Variants in DTHD1 observed in about 807,000 individuals in gnomAD.
DTHD1 encodes the protein death domain-containing protein 1.
In DTHD1, 59 loss-of-function variants were observed where a neutral mutation model predicts 74.8. The ratio of observed to expected loss-of-function variants is 0.79; its 90% CI spans 0.64 to 0.98. The LOEUF (loss-of-function observed/expected upper bound fraction) is 0.98. Ranked by LOEUF, DTHD1 falls within the 50% of genes least tolerant of loss-of-function variation. The probability of loss-of-function intolerance (pLI) is 0.00; values close to 1 mark genes in which losing one functional copy is unlikely to be tolerated. For missense variants in DTHD1, 1,051 were observed against 1,065.4 expected (o/e 0.99, Z 0.19); for synonymous variants, 365 against 371.1 (o/e 0.98, Z 0.19).
intron 8 of DTHD1, among the ~76,000 whole-genome samples, chr4:36,324,809 G>C (rs1466067256): frequency 6.6e-6 from 1 of 152,202 alleles, no homozygotes; most frequent in African/African-American, 2.4e-5. Flanking sequence ...GCAAAAGGCA[G>C]GAACTGATTG....
At position 36,343,547 on chromosome 4, in the gene DTHD1, C is replaced by T. The variant is rs1322703649; in HGVS notation, c.2444C>T (p.Ser815Leu). Residue 815 changes from serine (S) to leucine (L), a missense_variant, in exon 10 of 10, where the codon TCA becomes TTA. By Grantham distance (145) the Ser-to-Leu change is moderately radical. Coordinates refer to ENST00000639862, the MANE Select transcript of DTHD1 (RefSeq NM_001170700.3). ...CTCCATTGGCTGGCTGAGGAGCTCTCAGAAGAAAATGCTGAGTCTCTTTCC... is the reference window on the plus strand; with the variant it reads ...CTCCATTGGCTGGCTGAGGAGCTCTTAGAAGAAAATGCTGAGTCTCTTTCC... ...NLLHWLAEEL[S>L]EENAESLSST... is the part of the protein sequence containing the mutation. 6.4e-7 allele frequency: 1 copy of T among 1,551,578 alleles called. No individual in the cohort carries two copies. The highest frequency in any genetic ancestry group is 2.0e-5 in the Admixed American group (1 of 51,000).
At chr4:36,283,347 A>C (rs961417288) in intron 1 of DTHD1, among the ~76,000 whole-genome samples, 1 of 152,226 alleles carries the variant, frequency 6.6e-6, no homozygotes, top group Non-Finnish European at 1.5e-5. Flanking sequence ...TTCAGGTTCC[A>C]ATCAGAGAAT....
chr4:36,316,538 C>A (rs910501832), intron 8 of DTHD1, 52 bp downstream of exon 8: 3 of 1,472,868 alleles, frequency 2.0e-6, no homozygotes, highest in South Asian at 1.3e-5. Flanking sequence ...ATTTATAATT[C>A]TGTAACACAA....
At chr4:36,322,628 G>C (rs986954729) in intron 8 of DTHD1, among the ~76,000 whole-genome samples, 1 of 152,014 alleles carries the variant, frequency 6.6e-6, no homozygotes, top group Non-Finnish European at 1.5e-5. Context: ...CGCATGTGAG[G>C]GCCACAGAAA....
chr4:36,323,761 T>C (rs901835200), intron 8 of DTHD1, among the ~76,000 whole-genome samples: 4 of 152,124 alleles, frequency 2.6e-5, no homozygotes, highest in African/African-American at 9.7e-5. Flanking sequence ...AGTAACATGT[T>C]TGGTGCATCA....
chr4:36,330,188 T>C (rs188415425), intron 8 of DTHD1, among the ~76,000 whole-genome samples: 343 of 152,292 alleles, frequency 2.3e-3, no homozygotes, highest in African/African-American at 7.9e-3. Flanking sequence ...TTAATGAATA[T>C]GTTAGGAGTT....
At chr4:36,301,155 A>G (rs1035635881) in intron 5 of DTHD1, among the ~76,000 whole-genome samples, 4 of 152,186 alleles carry the variant, frequency 2.6e-5, no homozygotes, top group Admixed American at 6.5e-5. Flanking sequence ...GAAAGATGTA[A>G]TTGTGCACTG....
At chr4:36,282,742 C>A (rs1755471974) in intron 1 of DTHD1, among the ~76,000 whole-genome samples, 1 of 152,064 alleles carries the variant, frequency 6.6e-6, no homozygotes, top group Non-Finnish European at 1.5e-5. Context: ...TGGGCAGGTT[C>A]CATCTATGAG....
intron 8 of DTHD1, among the ~76,000 whole-genome samples, chr4:36,318,910 G>A (rs1170809902): frequency 1.3e-5 from 2 of 152,104 alleles, no homozygotes; most frequent in Non-Finnish European, 2.9e-5. Flanking sequence ...CACTATGCCT[G>A]GCCTCTTCTG....
At chr4:36,331,230 C>A (rs1418351803) in intron 8 of DTHD1, among the ~76,000 whole-genome samples, 4 of 151,982 alleles carry the variant, frequency 2.6e-5, no homozygotes, top group African/African-American at 9.7e-5. Context: ...TTTTGCTTAA[C>A]TATTATTGCA....
chr4:36,284,817 TG>T (rs1472444578), intron 2 of DTHD1, among the ~76,000 whole-genome samples: 2 of 152,130 alleles, frequency 1.3e-5, no homozygotes, highest in East Asian at 3.9e-4. Context: ...TCATAGAAGG[TG>T]CCTTCTTGCT....
chr4:36,334,195 C>T (rs1758863482), intron 8 of DTHD1, among the ~76,000 whole-genome samples: 1 of 152,064 alleles, frequency 6.6e-6, no homozygotes, highest in Non-Finnish European at 1.5e-5. Context: ...TTTCTATGTG[C>T]ACTCAGCCTC....
rs183163117 is a variant in DTHD1 at position 36,346,037 on chromosome 4, C to A, written c.*2213C>A. 2.2e-4 allele frequency among the ~76,000 whole-genome samples: 34 copies of A among 152,102 alleles called. No homozygotes were observed. The highest frequency in any genetic ancestry group is 7.7e-4 in the African/African-American group (32 of 41,498). ...CCTCACATATGCTGTCACAAACACA[C>A]CCCTCCTGCACACCCAGCTCCCAAC... On this transcript the variant is annotated 3_prime_UTR_variant, in exon 10 of 10. Coordinates refer to ENST00000639862, the MANE Select transcript of DTHD1 (RefSeq NM_001170700.3).
intron 2 of DTHD1, among the ~76,000 whole-genome samples, chr4:36,285,727 G>A (rs145216342): frequency 5.0e-4 from 76 of 151,924 alleles, no homozygotes; most frequent in Non-Finnish European, 6.0e-4. Context: ...TGTGACCCTG[G>A]GCAACTTGCT....
Position 36,284,076 on chromosome 4 carries a change from C to T in DTHD1, c.372C>T (p.Cys124=), listed in dbSNP as rs760819882. The T allele has an allele frequency of 1.3e-5, 20 of 1,537,030 alleles. No individual in the cohort carries two copies. The highest frequency in any genetic ancestry group is 2.4e-5 in the South Asian group (2 of 84,058). The change falls in exon 2 of 10, where the codon TGC becomes TGT. Residue 124 remains cysteine, a synonymous_variant. Coordinates refer to ENST00000639862, the MANE Select transcript of DTHD1 (RefSeq NM_001170700.3). ...AAGAAAAGGAGATTTGTAATTTATG[C>T]GGCATGCATGATGAATGTACTCCAC... ...KKEEKEICNL[C]GMHDECTPQQ...
chr4:36,286,239 T>C (rs1485784896), intron 2 of DTHD1, among the ~76,000 whole-genome samples: 2 of 152,198 alleles, frequency 1.3e-5, no homozygotes, highest in East Asian at 1.9e-4. Context: ...GAGAAAAACA[T>C]TGAAGCTCCA....
intron 8 of DTHD1, among the ~76,000 whole-genome samples, chr4:36,330,401 A>G (rs576963247): frequency 6.6e-6 from 1 of 152,268 alleles, no homozygotes; most frequent in South Asian, 2.1e-4. Flanking sequence ...TTTAGCATGT[A>G]TGTTTTAGTC....
chr4:36,288,045 A>G (rs1202540796), intron 2 of DTHD1, among the ~76,000 whole-genome samples: 2 of 152,100 alleles, frequency 1.3e-5, no homozygotes, highest in Non-Finnish European at 2.9e-5. Flanking sequence ...TTGGTCATGA[A>G]GTCTTTGCTT....
chr4:36,292,916 T>A (rs147261675), intron 3 of DTHD1, among the ~76,000 whole-genome samples: 4 of 152,354 alleles, frequency 2.6e-5, no homozygotes, highest in African/African-American at 9.6e-5. Context: ...TGAGTATGTG[T>A]CTGTATATAT....
Sources: allele counts gnomAD v4.1 joint callset (sites outside exome capture counted in the v4.1 genomes callset), GRCh38; gene constraint gnomAD v4.1.1; transcripts MANE v1.5; gene names NCBI Gene and HGNC (gene_info 2026-07-23, HGNC 2026-07-21).